RORA: variants seen among roughly 807,000 people sequenced by gnomAD.
The protein encoded by RORA is RAR related orphan receptor A, also known as nuclear receptor ROR-alpha.
In RORA, 7 loss-of-function variants were observed where a neutral mutation model predicts 69.5. The ratio of observed to expected loss-of-function variants is 0.10; its 90% CI spans 0.06 to 0.19. The LOEUF (loss-of-function observed/expected upper bound fraction) is 0.19. RORA is among the 10% of genes least tolerant of loss of function. The pLI, the probability that RORA is intolerant of heterozygous loss-of-function variation, is 1.00. For synonymous variants in RORA, 261 were observed against 240.8 expected (o/e 1.08, Z -0.78); for missense variants, 457 against 663.0 (o/e 0.69, Z 3.41).
At chr15:60,926,358 T>C (rs1186246396) in intron 1 of RORA, among the ~76,000 whole-genome samples, 1 of 152,166 alleles carries the variant, frequency 6.6e-6, no homozygotes, top group Non-Finnish European at 1.5e-5. Flanking sequence ...CCATAAGCCC[T>C]TGCCAAAGTC....
At chr15:60,945,625 C>T (rs1229575248) in intron 1 of RORA, among the ~76,000 whole-genome samples, 1 of 152,162 alleles carries the variant, frequency 6.6e-6, no homozygotes, top group Non-Finnish European at 1.5e-5. Flanking sequence ...ATGTTCCATT[C>T]AGAAGTAGTG....
chr15:61,193,444 T>C (rs1410385541), intron 1 of RORA, among the ~76,000 whole-genome samples: 2 of 152,108 alleles, frequency 1.3e-5, no homozygotes, highest in African/African-American at 4.8e-5. Flanking sequence ...TTAGACTTTT[T>C]CCCTTAGGTC....
chr15:61,117,299 AT>A (rs2079059612), intron 1 of RORA, among the ~76,000 whole-genome samples: 1 of 152,098 alleles, frequency 6.6e-6, no homozygotes, highest in South Asian at 2.1e-4. Flanking sequence ...AAAAAAAATC[AT>A]TCAAAGATTC....
intron 2 of RORA, among the ~76,000 whole-genome samples, chr15:60,548,684 C>A (rs934242398): frequency 6.6e-6 from 1 of 152,184 alleles, no homozygotes; most frequent in Non-Finnish European, 1.5e-5. Context: ...GTTCCCCAGG[C>A]TGGAGTGCAG....
At chr15:60,773,494 C>T (rs924859181) in intron 1 of RORA, among the ~76,000 whole-genome samples, 1 of 152,082 alleles carries the variant, frequency 6.6e-6, no homozygotes, top group African/African-American at 2.4e-5. Flanking sequence ...TACATTGGTA[C>T]TTTTTACCAA....
chr15:60,719,878 A>C (rs1325055053), intron 1 of RORA, among the ~76,000 whole-genome samples: 4 of 152,126 alleles, frequency 2.6e-5, no homozygotes, highest in African/African-American at 9.7e-5. Flanking sequence ...ACAGGTAAAC[A>C]TGTTGTGTGC....
At chr15:60,578,602 T>C (rs2068096421) in intron 2 of RORA, among the ~76,000 whole-genome samples, 1 of 152,096 alleles carries the variant, frequency 6.6e-6, no homozygotes, top group Non-Finnish European at 1.5e-5. Context: ...CACAAGTACT[T>C]TTCCCTGGAG....
chr15:61,187,876 T>C (rs1319334449), intron 1 of RORA, among the ~76,000 whole-genome samples: 2 of 152,202 alleles, frequency 1.3e-5, no homozygotes, highest in East Asian at 1.9e-4. Flanking sequence ...TTGTTAATGT[T>C]TCTCCTTCTT....
chr15:60,925,758 C>A (rs1892198437), intron 1 of RORA, among the ~76,000 whole-genome samples: 1 of 152,204 alleles, frequency 6.6e-6, no homozygotes, highest in Non-Finnish European at 1.5e-5. Flanking sequence ...CCTTCCTGCC[C>A]AGATGCCACG....
At chr15:60,642,084 T>G (rs2069954160) in intron 2 of RORA, among the ~76,000 whole-genome samples, 1 of 152,150 alleles carries the variant, frequency 6.6e-6, no homozygotes, top group African/African-American at 2.4e-5. Context: ...TCAGGTGAGC[T>G]CGGGCTGTGT....
At chr15:61,059,982 G>GGAAGAA (rs34761915) in intron 1 of RORA, among the ~76,000 whole-genome samples, 1 of 77,424 alleles carries the variant, frequency 1.3e-5, no homozygotes, top group African/African-American at 4.8e-5. Context: ...AAGAGGAAGA[G>GGAAGAA]GAAGAGGAAG....
intron 1 of RORA, among the ~76,000 whole-genome samples, chr15:60,708,269 A>G (rs373605023): frequency 4.0e-5 from 6 of 151,676 alleles, no homozygotes; most frequent in African/African-American, 1.5e-4. Context: ...TAAAAATACA[A>G]AAATTAGCTG....
At chr15:60,957,632 A>G (rs527324521) in intron 1 of RORA, among the ~76,000 whole-genome samples, 1 of 152,350 alleles carries the variant, frequency 6.6e-6, no homozygotes, top group South Asian at 2.1e-4. Flanking sequence ...AGAGATGCAC[A>G]TATACTAATT....
At chr15:60,661,057 G>T (rs1596105240) in intron 2 of RORA, among the ~76,000 whole-genome samples, 1 of 135,402 alleles carries the variant, frequency 7.4e-6, no homozygotes, top group South Asian at 2.4e-4. Context: ...TGAAATTCTG[G>T]CAAAAAAAAA....
At chr15:60,643,062 C>T (rs2069972897) in intron 2 of RORA, among the ~76,000 whole-genome samples, 1 of 152,088 alleles carries the variant, frequency 6.6e-6, no homozygotes, top group South Asian at 2.1e-4. Flanking sequence ...GAGGCTGAGG[C>T]ATGAGAATTG....
chr15:60,803,761 C>T (rs183060797), intron 1 of RORA, among the ~76,000 whole-genome samples: 2 of 152,294 alleles, frequency 1.3e-5, no homozygotes, highest in African/African-American at 4.8e-5. Context: ...GTTATTACTA[C>T]CTACAACCCC....
At chr15:60,762,844 C>G (rs2071915645) in intron 1 of RORA, among the ~76,000 whole-genome samples, 1 of 152,088 alleles carries the variant, frequency 6.6e-6, no homozygotes, top group Non-Finnish European at 1.5e-5. Context: ...AAATGACATT[C>G]AAGATGCTGC....
At position 60,894,392 on chromosome 15, in the gene RORA, T is replaced by C. The variant is rs191670603; in HGVS notation, c.167-215706A>G. On this transcript the variant is annotated intron_variant, in intron 1 of 10. Transcript: ENST00000335670. Reference sequence around the variant, plus strand: ...ACGACAATCCTGTAACTGGCACGGTTTTCTGACATTAAGAAAAAAAATTAG... The same window carrying C: ...ACGACAATCCTGTAACTGGCACGGTCTTCTGACATTAAGAAAAAAAATTAG... Among the ~76,000 whole-genome samples the C allele has an allele frequency of 2.8e-3, 423 of 152,320 alleles. 3 individuals are homozygous for C. The highest frequency in any genetic ancestry group is 6.8e-3 in the Middle Eastern group (2 of 294).
chr15:61,157,340 T>G (rs938195611), intron 1 of RORA, among the ~76,000 whole-genome samples: 5 of 152,342 alleles, frequency 3.3e-5, no homozygotes, highest in African/African-American at 9.6e-5. Context: ...ACTAGCTGTG[T>G]GATGGTAGGG....
Sources: allele counts gnomAD v4.1 joint callset (sites outside exome capture counted in the v4.1 genomes callset), GRCh38; gene constraint gnomAD v4.1.1; transcripts MANE v1.5; gene names NCBI Gene and HGNC (gene_info 2026-07-23, HGNC 2026-07-21).